The following GCAT variants were observed in gnomAD, a reference collection of about 807,000 sequenced individuals.
GCAT encodes glycine C-acetyltransferase, also known as 2-amino-3-ketobutyrate coenzyme A ligase, mitochondrial.
GCAT carries 26 observed loss-of-function variants against 39.7 expected under a neutral mutation model. The ratio of observed to expected loss-of-function variants is 0.65; its 90% CI spans 0.48 to 0.91. The LOEUF is 0.91. Among genes scored for constraint, GCAT ranks in the 40% least tolerant of loss-of-function variants. The pLI, the probability that GCAT is intolerant of heterozygous loss-of-function variation, is 0.00. For missense variants in GCAT, 550 were observed against 576.2 expected (o/e 0.95, Z 0.47); for synonymous variants, 218 against 237.2 (o/e 0.92, Z 0.74).
chr22:37,815,146 G>A lies in GCAT; in HGVS notation c.597G>A (p.Val199=). ...TGCAGAAGCATCGGCTGCGCCTGGT[G>A]GCCACTGATGGGGCCTTTTCCATGG... The part of the protein sequence containing the change: ...QEAQKHRLRL[V]ATDGAFSMDG... Residue 199 remains valine (V), a synonymous_variant, in exon 5 of 9, where the codon GTG becomes GTA. Transcript: ENST00000248924. 6.2e-7 allele frequency: 1 copy of A among 1,613,978 alleles called. No individual in the cohort carries two copies. Among genetic ancestry groups the A allele is most frequent in the Non-Finnish European group, 8.5e-7 (1 of 1,179,998 alleles).
At position 37,808,124 on chromosome 22, in the gene GCAT, C is replaced by T. The variant is rs761866794; in HGVS notation, c.157C>T (p.Arg53Cys). The T allele has an allele frequency of 7.1e-6, 11 of 1,546,494 alleles. No homozygotes were observed. In the African/African-American group the frequency reaches 8.5e-5, roughly 12 times the overall value. The change falls in exon 1 of 9, where the codon CGT (arginine) becomes TGT (cysteine). Residue 53 changes from arginine to cysteine, a missense_variant. This residue lies in a region of GCAT where 154 missense variants were observed against 141.9 expected (regional missense o/e 1.08). Transcript: ENST00000248924. ...TWKSERVITS[R>C]QGPHIRVDGV... ...GAAGAGTGAGCGGGTCATCACGTCCCGTCAGGGGCCGCACATCCGCGTGGA... is the reference window on the plus strand; with the variant it reads ...GAAGAGTGAGCGGGTCATCACGTCCTGTCAGGGGCCGCACATCCGCGTGGA...
Position 37,812,998 on chromosome 22 carries a change from AGCT to A in GCAT, c.429+12_429+14del, listed in dbSNP as rs770072570. On this transcript the variant is annotated intron_variant, in intron 3 of 8. Transcript: ENST00000248924. ...CGCCGGCCTCTTTGAGGTGTGTGGA[AGCT>A]GTCCTGCGGGTGAGGGTTGGTGGGG... 2.6e-5 allele frequency: 42 copies of A among 1,594,264 alleles called. No individual in the cohort carries two copies. In the Admixed American group the frequency reaches 7.0e-4, roughly 27 times the overall value.
Position 37,808,164 on chromosome 22 carries a change from G to T in GCAT, c.196+1G>T. 1 of 1,490,578 alleles carries T rather than the reference G, an allele frequency of 6.7e-7. No homozygotes were observed. 92.3% of individuals were successfully genotyped at this position (1,490,578 alleles called of 1,614,324 possible). On this transcript the variant is annotated splice_donor_variant, in intron 1 of 8. Coordinates refer to ENST00000248924, the MANE Select transcript of GCAT (RefSeq NM_014291.4). LOFTEE classifies it high-confidence loss of function. ...ATCCGCGTGGACGGCGTCTCCGGAG[G>T]TAACGCTCCGTTCCGGGAGTCGTTC...
chr22:37,815,176 C>T lies in GCAT; in HGVS notation c.627C>T (p.Gly209=), dbSNP rs746358358. 48 of 1,613,902 alleles carry T rather than the reference C, an allele frequency of 3.0e-5. No homozygotes were observed. The highest frequency in any genetic ancestry group is 9.9e-5 in the South Asian group (9 of 91,090). ...VATDGAFSMD[G]DIAPLQEICC... is the part of the protein sequence containing the mutation. ...CTGATGGGGCCTTTTCCATGGATGG[C>T]GACATCGCACCCCTGCAGGAGATCT... The change falls in exon 5 of 9, where the codon GGC becomes GGT. Residue 209 remains glycine (G), a synonymous_variant. Coordinates refer to ENST00000248924, the MANE Select transcript of GCAT (RefSeq NM_014291.4).
rs1311873280 is a variant in GCAT, at chr22:37,815,458, A to G, written c.772A>G (p.Ile258Val). The G allele has an allele frequency of 1.2e-6, 2 of 1,610,606 alleles. No homozygotes were observed. The highest frequency in any genetic ancestry group is 1.7e-6 in the Non-Finnish European group (2 of 1,179,028). The change falls in exon 6 of 9, where the codon ATC (isoleucine) becomes GTC (valine). Residue 258 changes from isoleucine to valine, a missense_variant. Ile to Val is a conservative substitution (Grantham distance 29). Coordinates refer to ENST00000248924, the MANE Select transcript of GCAT (RefSeq NM_014291.4). ...GCTGGGTGTGATGGACCAGGTCACCATCATCAACTCCACCCTGGGGAAGGC... is the reference window on the plus strand; with the variant it reads ...GCTGGGTGTGATGGACCAGGTCACCGTCATCAACTCCACCCTGGGGAAGGC... ...ELLGVMDQVT[I>V]INSTLGKALG...
intron 1 of GCAT, 164 bp from the exon 2 acceptor site, chr22:37,809,863 C>T: frequency 1.2e-6 from 1 of 836,806 alleles, no homozygotes; most frequent in Non-Finnish European, 2.0e-6. Context: ...AGATGTGTAG[C>T]ACTGACGCTC....
chr22:37,815,261 T>A lies in GCAT; in HGVS notation c.712T>A (p.Phe238Ile), dbSNP rs1488786493. ...VFMDECHATG[F>I]LGPTGRGTDE... is the part of the protein sequence containing the mutation. ...CATGGATGAATGCCATGCCACTGGC[T>A]TCCTGGGGCCCACAGGACGGTGGGA... The change falls in exon 5 of 9, where the codon TTC becomes ATC. Residue 238 changes from phenylalanine to isoleucine, a missense_variant. This residue lies in a region of GCAT where 378 missense variants were observed against 390.4 expected (regional missense o/e 0.97). Coordinates refer to ENST00000248924, the MANE Select transcript of GCAT (RefSeq NM_014291.4). 7 of 1,613,742 alleles carry A rather than the reference T, an allele frequency of 4.3e-6. No homozygotes were observed. In the Admixed American group the frequency reaches 1.0e-4, roughly 23 times the overall value.
Position 37,815,679 on chromosome 22 carries a change from G to A in GCAT, c.831G>A (p.Gly277=), listed in dbSNP as rs1447687052. ...LGGASGGYTT[G]PGPLVSLLRQ... ...TCTTCTCAGGGGGCTACACGACAGG[G>A]CCTGGGCCCCTGGTGTCCCTGCTGC... The change falls in exon 7 of 9, where the codon GGG becomes GGA. Residue 277 remains glycine, a synonymous_variant. Coordinates refer to ENST00000248924, the MANE Select transcript of GCAT (RefSeq NM_014291.4). 6.2e-7 allele frequency: 1 copy of A among 1,612,330 alleles called. No homozygotes were observed. The highest frequency in any genetic ancestry group is 8.5e-7 in the Non-Finnish European group (1 of 1,179,146).
At chr22:37,811,294 C>G (rs1186774958) in intron 2 of GCAT, among the ~76,000 whole-genome samples, 1 of 151,828 alleles carries the variant, frequency 6.6e-6, no homozygotes, top group East Asian at 1.9e-4. Flanking sequence ...ACCAGCCTGG[C>G]CAACATGGCG....
chr22:37,814,242 C>T (rs964631930), intron 4 of GCAT, among the ~76,000 whole-genome samples: 1 of 152,058 alleles, frequency 6.6e-6, no homozygotes, highest in Non-Finnish European at 1.5e-5. Context: ...CTGGGACTAC[C>T]GGTGCCCACC....
rs200625260 is a variant in GCAT at position 37,812,977 on chromosome 22, G to C, written c.418G>C (p.Gly140Arg). The C allele has an allele frequency of 2.1e-5, 34 of 1,611,724 alleles. No homozygotes were observed. In the East Asian group the frequency reaches 7.4e-4, roughly 35 times the overall value. Residue 140 changes from glycine (G) to arginine (R), a missense_variant, in exon 3 of 9, where the codon GGC (glycine) becomes CGC (arginine). By Grantham distance (125) the Gly-to-Arg change is moderately radical (BLOSUM62 -2). Coordinates refer to ENST00000248924, the MANE Select transcript of GCAT (RefSeq NM_014291.4). ...LYPSCYDANA[G>R]LFEALLTPED... ...TCCCAGCTGTTATGACGCCAACGCCGGCCTCTTTGAGGTGTGTGGAAGCTG... is the reference window on the plus strand; with the variant it reads ...TCCCAGCTGTTATGACGCCAACGCCCGCCTCTTTGAGGTGTGTGGAAGCTG...
chr22:37,812,769 A>C, intron 2 of GCAT, 118 bp from the exon 3 acceptor site: 1 of 709,688 alleles, frequency 1.4e-6, no homozygotes, highest in Non-Finnish European at 2.5e-6. Flanking sequence ...GAAAGTAAGG[A>C]GACTGAGGCT....
At chr22:37,815,855 G>A in intron 7 of GCAT, 21 bp downstream of exon 7, 8 of 1,612,574 alleles carry the variant, frequency 5.0e-6, no homozygotes, top group Non-Finnish European at 6.8e-6. Context: ...CAGCAGGGCA[G>A]GCTCGGGGGC....
chr22:37,808,652 T>C (rs537717024), intron 1 of GCAT, among the ~76,000 whole-genome samples: 1 of 152,084 alleles, frequency 6.6e-6, no homozygotes, highest in Admixed American at 6.5e-5. Context: ...ACATGATGAG[T>C]TGGCCCTGCC....
Position 37,812,988 on chromosome 22 carries a change from G to GGT in GCAT, c.429+6_429+7dup, listed in dbSNP as rs1569080836. ...ATGACGCCAACGCCGGCCTCTTTGA[G>GGT]GTGTGTGGAAGCTGTCCTGCGGGTG... On this transcript the variant is annotated frameshift_variant and splice_region_variant. Coordinates refer to ENST00000248924, the MANE Select transcript of GCAT (RefSeq NM_014291.4). LOFTEE classifies it high-confidence loss of function. 2 of 1,607,488 alleles carry GGT rather than the reference G, an allele frequency of 1.2e-6. No individual in the cohort carries two copies. Among genetic ancestry groups the GGT allele is most frequent in the Non-Finnish European group, 1.7e-6 (2 of 1,174,022 alleles).
At chr22:37,808,226 C>A in intron 1 of GCAT, 63 bp downstream of exon 1, 1 of 1,317,634 alleles carries the variant, frequency 7.6e-7, no homozygotes, top group Non-Finnish European at 1.0e-6. Flanking sequence ...AATGGAGGTC[C>A]TGGAGGTGGG....
At chr22:37,815,916 A>C in intron 7 of GCAT, 82 bp downstream of exon 7, 1 of 1,505,228 alleles carries the variant, frequency 6.6e-7, no homozygotes, top group Non-Finnish European at 9.1e-7. Context: ...GCCCACAGAC[A>C]GCTCTGTGCC....
At position 37,812,976 on chromosome 22, in the gene GCAT, C is replaced by T. The variant is rs751931807; in HGVS notation, c.417C>T (p.Ala139=). 1.2e-5 allele frequency: 19 copies of T among 1,611,870 alleles called. No homozygotes were observed. Among genetic ancestry groups the T allele is most frequent in the African/African-American group, 8.0e-5 (6 of 74,880 alleles). The change falls in exon 3 of 9, where the codon GCC becomes GCT. Residue 139 remains alanine (A), a synonymous_variant. Coordinates refer to ENST00000248924, the MANE Select transcript of GCAT (RefSeq NM_014291.4). Reference sequence around the variant, plus strand: ...ATCCCAGCTGTTATGACGCCAACGCCGGCCTCTTTGAGGTGTGTGGAAGCT... The same window carrying T: ...ATCCCAGCTGTTATGACGCCAACGCTGGCCTCTTTGAGGTGTGTGGAAGCT... The part of the protein sequence containing the change: ...ILYPSCYDAN[A]GLFEALLTPE...
intron 2 of GCAT, 102 bp downstream of exon 2, chr22:37,810,259 G>A (rs1921432147): frequency 3.5e-6 from 3 of 851,770 alleles, no homozygotes; most frequent in African/African-American, 3.3e-5. Flanking sequence ...CACAGCCCTG[G>A]GCCTACTGTT....
Sources: allele counts gnomAD v4.1 joint callset (sites outside exome capture counted in the v4.1 genomes callset), GRCh38; gene constraint gnomAD v4.1.1; regional missense constraint gnomAD v4.1.1; transcripts MANE v1.5; gene names NCBI Gene and HGNC (gene_info 2026-07-23, HGNC 2026-07-21).